The following RASA1 variants were observed in gnomAD, a reference collection of about 807,000 sequenced individuals.
The protein encoded by RASA1 is RAS p21 protein activator 1, also known as ras GTPase-activating protein 1.
In RASA1, 25 loss-of-function variants were observed where a neutral mutation model predicts 132.2. The ratio of observed to expected loss-of-function variants is 0.19; its 90% confidence interval spans 0.14 to 0.26. The LOEUF (loss-of-function observed/expected upper bound fraction) is 0.26, where lower values mean the gene tolerates loss of function less well. RASA1 is among the 10% of genes least tolerant of loss of function. The pLI, the probability that RASA1 is intolerant of heterozygous loss-of-function variation, is 1.00. For synonymous variants in RASA1, 477 were observed against 449.9 expected (o/e 1.06, Z -0.76); for missense variants, 964 against 1,299.2 (o/e 0.74, Z 3.97).
In RASA1 at chr5:87,331,366, T is replaced by C. The variant is rs956695927; in HGVS notation, c.558T>C (p.Leu186=). Residue 186 remains leucine, a synonymous_variant, in exon 2 of 25, where the codon CTT becomes CTC. Transcript: ENST00000274376. ...CCCCTAGGTGGTATCACGGAAAACTTGACAGAACGATAGCAGAAGAACGCC... is the reference window on the plus strand; with the variant it reads ...CCCCTAGGTGGTATCACGGAAAACTCGACAGAACGATAGCAGAAGAACGCC... ...PPTNQWYHGK[L]DRTIAEERLR... 3 of 1,611,006 alleles carry C rather than the reference T, an allele frequency of 1.9e-6. No homozygotes were observed. The African/African-American group carries it at 4.0e-5, about 22-fold the overall frequency.
chr5:87,364,468 T>C (rs1760354042), intron 11 of RASA1, among the ~76,000 whole-genome samples: 1 of 152,160 alleles, frequency 6.6e-6, no homozygotes, highest in Non-Finnish European at 1.5e-5. Flanking sequence ...ATCTGTAAAA[T>C]AGTATGAATT....
intron 6 of RASA1, among the ~76,000 whole-genome samples, chr5:87,345,204 G>A (rs1333330999): frequency 6.6e-6 from 1 of 151,996 alleles, no homozygotes; most frequent in African/African-American, 2.4e-5. Flanking sequence ...CAAACCATGT[G>A]GTTGAAATAT....
At chr5:87,341,529 TA>T (rs1265107779) in intron 6 of RASA1, among the ~76,000 whole-genome samples, 3 of 152,138 alleles carry the variant, frequency 2.0e-5, no homozygotes, top group Non-Finnish European at 4.4e-5. Flanking sequence ...TAACTAAATA[TA>T]ACTCTTTTTA....
intron 12 of RASA1, among the ~76,000 whole-genome samples, chr5:87,371,071 A>G (rs2112477603): frequency 6.6e-6 from 1 of 152,212 alleles, no homozygotes. Context: ...AGAAATTTAA[A>G]CTTCAGTATC....
chr5:87,346,906 T>G (rs1758903005), intron 7 of RASA1, among the ~76,000 whole-genome samples, 182 bp downstream of exon 7: 1 of 152,030 alleles, frequency 6.6e-6, no homozygotes, highest in Non-Finnish European at 1.5e-5. Context: ...TGTTATAAAA[T>G]TTAGTCAAGT....
chr5:87,339,301 T>C (rs1351722532), intron 5 of RASA1, among the ~76,000 whole-genome samples: 1 of 152,180 alleles, frequency 6.6e-6, no homozygotes, highest in East Asian at 1.9e-4. Context: ...ATACTCATAG[T>C]CATATAGTTA....
chr5:87,385,451 A>G (rs765850630), intron 22 of RASA1, 62 bp downstream of exon 22: 8 of 1,264,452 alleles, frequency 6.3e-6, no homozygotes, highest in Admixed American at 1.8e-5. Flanking sequence ...TGATAAAACC[A>G]TAAATTGTGG....
intron 9 of RASA1, among the ~76,000 whole-genome samples, chr5:87,362,060 G>C (rs1395844657): frequency 1.3e-5 from 2 of 152,092 alleles, no homozygotes; most frequent in Non-Finnish European, 2.9e-5. Flanking sequence ...GGAACTGTTA[G>C]GTATTTGAAG....
chr5:87,298,935 G>T (rs1460456249), intron 1 of RASA1, among the ~76,000 whole-genome samples: 2 of 152,146 alleles, frequency 1.3e-5, no homozygotes, highest in Non-Finnish European at 2.9e-5. Flanking sequence ...GTGACTTTTT[G>T]ACAGTTAAAT....
At chr5:87,283,954 T>G (rs1188696395) in intron 1 of RASA1, among the ~76,000 whole-genome samples, 3 of 152,138 alleles carry the variant, frequency 2.0e-5, no homozygotes, top group Non-Finnish European at 4.4e-5. Context: ...TCTCAGGCAA[T>G]AGAGAAATGA....
At chr5:87,351,588 T>C (rs1403443412) in intron 8 of RASA1, among the ~76,000 whole-genome samples, 1 of 151,812 alleles carries the variant, frequency 6.6e-6, no homozygotes, top group African/African-American at 2.4e-5. Flanking sequence ...AAAGTAAGTT[T>C]ACATTGAATA....
chr5:87,364,099 A>G (rs977125952), intron 11 of RASA1, among the ~76,000 whole-genome samples: 12 of 152,096 alleles, frequency 7.9e-5, no homozygotes, highest in Admixed American at 6.6e-5. Context: ...TAGTATTATC[A>G]GTAATCCATC....
At position 87,362,624 on chromosome 5, in the gene RASA1, A is replaced by G. The variant is rs1468883023; in HGVS notation, c.1406A>G (p.Asp469Gly). Residue 469 changes from aspartate to glycine, a missense_variant, in exon 10 of 25, where the codon GAT (aspartate) becomes GGT (glycine). This residue lies in a region of RASA1 where 346 missense variants were observed against 520.1 expected (regional missense o/e 0.67). Transcript: ENST00000274376. The stretch of plus-strand genomic sequence containing the variant: ...AATACCATCCGTCGTAAAACAAAGG[A>G]TGCCTTTTATAAAAACATTGTTAAG... The part of the protein sequence containing the change: ...IYNTIRRKTK[D>G]AFYKNIVKKG... 2 of 1,599,926 alleles carry G rather than the reference A, an allele frequency of 1.3e-6. No individual in the cohort carries two copies. Among genetic ancestry groups the G allele is most frequent in the Non-Finnish European group, 1.7e-6 (2 of 1,167,442 alleles).
intron 1 of RASA1, among the ~76,000 whole-genome samples, chr5:87,278,906 G>GTTTT (rs1754186395): frequency 1.6e-5 from 1 of 60,838 alleles, no homozygotes; most frequent in Non-Finnish European, 3.3e-5. Flanking sequence ...CTGCTAATTT[G>GTTTT]TTCTTTTTTT....
At chr5:87,357,583 T>C (rs1759746801) in intron 9 of RASA1, among the ~76,000 whole-genome samples, 1 of 152,166 alleles carries the variant, frequency 6.6e-6, no homozygotes, top group South Asian at 2.1e-4. Context: ...CATGCCCCTG[T>C]AGTCCCAGCT....
Position 87,378,497 on chromosome 5 carries a change from G to A in RASA1, c.2446G>A (p.Asp816Asn), listed in dbSNP as rs1285858795. ...ACAGTTTGTTCATCATGCTTTGAAA[G>A]ACTCTATTTTAAAGATAATGGAAAG... ...ATQFVHHALKDSILKIMESKQ... is the reference protein window; with the variant it reads ...ATQFVHHALKNSILKIMESKQ... The change falls in exon 18 of 25, where the codon GAC (aspartate) becomes AAC (asparagine). Residue 816 changes from aspartate (D) to asparagine (N), a missense_variant. By Grantham distance (23) the Asp-to-Asn change is conservative. This residue lies in a region of RASA1 where 346 missense variants were observed against 520.1 expected (regional missense o/e 0.67). Coordinates refer to ENST00000274376, the MANE Select transcript of RASA1 (RefSeq NM_002890.3). The A allele has an allele frequency of 1.2e-6, 2 of 1,611,718 alleles. No homozygotes were observed. Among genetic ancestry groups the A allele is most frequent in the East Asian group, 2.2e-5 (1 of 44,810 alleles).
intron 1 of RASA1, among the ~76,000 whole-genome samples, chr5:87,285,112 G>T (rs1381276190): frequency 1.3e-5 from 2 of 151,314 alleles, no homozygotes; most frequent in African/African-American, 4.9e-5. Flanking sequence ...TCTGTCGCCA[G>T]GCTGTAGTGC....
chr5:87,361,223 T>C (rs991339319), intron 9 of RASA1, among the ~76,000 whole-genome samples: 2 of 152,204 alleles, frequency 1.3e-5, no homozygotes, highest in Admixed American at 1.3e-4. Flanking sequence ...CCAGTAAAAC[T>C]TTATGTATAA....
At chr5:87,270,646 CT>C (rs70996415) in intron 1 of RASA1, among the ~76,000 whole-genome samples, 403 of 71,640 alleles carry the variant, frequency 5.6e-3, no homozygotes, top group Non-Finnish European at 6.7e-3. Context: ...GGTGCCCGGC[CT>C]TTTTTTTTTT....
Sources: allele counts gnomAD v4.1 joint callset (sites outside exome capture counted in the v4.1 genomes callset), GRCh38; gene constraint gnomAD v4.1.1; regional missense constraint gnomAD v4.1.1; transcripts MANE v1.5; gene names NCBI Gene and HGNC (gene_info 2026-07-23, HGNC 2026-07-21).